ZNF76: variants seen among roughly 807,000 people sequenced by gnomAD.
ZNF76 encodes the protein zinc finger protein 523.
In ZNF76, 66 loss-of-function variants were observed where a neutral mutation model predicts 66.9. The observed-to-expected ratio is 0.99, with a 90% CI of 0.81 to 1.21. ZNF76 has a LOEUF of 1.21. Ranked by LOEUF, ZNF76 falls within the 50% of genes most tolerant of loss-of-function variation. ZNF76 has a pLI of 0.00. For missense variants in ZNF76, 729 were observed against 760.3 expected (o/e 0.96, Z 0.48); for synonymous variants, 275 against 296.1 (o/e 0.93, Z 0.73).
chr6:35,288,303 T>C (rs1007774582), intron 5 of ZNF76: 3 of 370,464 alleles, frequency 8.1e-6, no homozygotes, highest in Admixed American at 6.5e-5. Flanking sequence ...TTAACCTCAG[T>C]GGGCTATGAC....
At chr6:35,294,292 G>C (rs1790864848) in intron 12 of ZNF76, 164 bp from the exon 13 acceptor site, 3 of 610,574 alleles carry the variant, frequency 4.9e-6, no homozygotes, top group Non-Finnish European at 8.7e-6. Context: ...AGGAAACCCA[G>C]CCTTACTTAG....
intron 2 of ZNF76, among the ~76,000 whole-genome samples, chr6:35,282,682 AC>A (rs1373334482): frequency 6.6e-6 from 1 of 152,216 alleles, no homozygotes; most frequent in Non-Finnish European, 1.5e-5. Flanking sequence ...TGTCATTGCA[AC>A]ATTGCCCTCC....
intron 1 of ZNF76, among the ~76,000 whole-genome samples, chr6:35,261,848 G>A (rs1785300667): frequency 6.6e-6 from 1 of 152,018 alleles, no homozygotes; most frequent in Non-Finnish European, 1.5e-5. Context: ...CGTTTGCCAT[G>A]TAACTTGGTG....
intron 1 of ZNF76, among the ~76,000 whole-genome samples, chr6:35,264,293 T>C (rs1256205030): frequency 6.6e-6 from 1 of 152,208 alleles, no homozygotes; most frequent in Non-Finnish European, 1.5e-5. Context: ...TAGTCATTGC[T>C]CGGGTGGGGG....
Position 35,292,880 on chromosome 6 carries a change from G to C in ZNF76, c.1166-1G>C, listed in dbSNP as rs144616098. On this transcript the variant is annotated splice_acceptor_variant, in intron 10 of 13. Coordinates refer to ENST00000373953, the MANE Select transcript of ZNF76 (RefSeq NM_003427.5). LOFTEE classifies it high-confidence loss of function. The surrounding 1 kb of genome is among the most constrained non-coding windows in gnomAD (Gnocchi z 4.7). ...TGTCAGCCTTGGCTCTCCTCTCCCAGCCGCCTCTGCAGCCGAGGAGAGTCC... is the reference window on the plus strand; with the variant it reads ...TGTCAGCCTTGGCTCTCCTCTCCCACCCGCCTCTGCAGCCGAGGAGAGTCC... 1.9e-6 allele frequency: 3 copies of C among 1,614,096 alleles called. No individual in the cohort carries two copies. The Admixed American group carries it at 5.0e-5, about 27-fold the overall frequency.
intron 1 of ZNF76, among the ~76,000 whole-genome samples, chr6:35,275,500 G>C (rs116667711): frequency 6.6e-6 from 1 of 152,274 alleles, no homozygotes; most frequent in African/African-American, 2.4e-5. Context: ...TTCAGTGCCA[G>C]CATGGGAGGA....
intron 2 of ZNF76, among the ~76,000 whole-genome samples, chr6:35,283,541 T>C (rs927069561): frequency 2.6e-5 from 4 of 152,202 alleles, no homozygotes; most frequent in African/African-American, 4.8e-5. Context: ...AACTGGGGCG[T>C]ATGGTCACCT....
chr6:35,294,590 AAAGGGGATCCCACGGCCAGAG>A, intron 13 of ZNF76, 21 bp downstream of exon 13: 4 of 1,534,202 alleles, frequency 2.6e-6, no homozygotes, highest in Non-Finnish European at 3.6e-6. Context: ...ATCTGGGAGG[AAAGGGGATCCCACGGCCAGAG>A]AAGTCAACAA....
At chr6:35,284,131 GC>G (rs1789180736) in intron 2 of ZNF76, among the ~76,000 whole-genome samples, 1 of 151,452 alleles carries the variant, frequency 6.6e-6, no homozygotes, top group Non-Finnish European at 1.5e-5. Context: ...TCACCCTGTA[GC>G]CCAGGCTGGA....
chr6:35,291,859 G>A (rs1275709611), intron 9 of ZNF76, 122 bp downstream of exon 9: 2 of 1,200,586 alleles, frequency 1.7e-6, no homozygotes, highest in Non-Finnish European at 1.2e-6. Context: ...GCCATTCCAG[G>A]CTGGTCTGGG....
rs950960288 is a variant in ZNF76 at position 35,294,439 on chromosome 6, C to G, written c.1495-17C>G. On this transcript the variant is annotated splice_polypyrimidine_tract_variant and intron_variant, in intron 12 of 13. Transcript: ENST00000373953. ...GTATACTGCAGGTGGAATGGAAGACCTCCTTTTGTCTTTCAGGTCACAATC... is the reference window on the plus strand; with the variant it reads ...GTATACTGCAGGTGGAATGGAAGACGTCCTTTTGTCTTTCAGGTCACAATC... 1 of 1,565,574 alleles carries G rather than the reference C, an allele frequency of 6.4e-7. No homozygotes were observed. Among genetic ancestry groups the G allele is most frequent in the Non-Finnish European group, 8.8e-7 (1 of 1,137,102 alleles).
At chr6:35,284,284 C>T (rs991800988) in intron 2 of ZNF76, among the ~76,000 whole-genome samples, 4 of 151,062 alleles carry the variant, frequency 2.6e-5, no homozygotes, top group Non-Finnish European at 5.9e-5. Context: ...AGTAGAGACA[C>T]GGTTTCATGA....
Position 35,287,187 on chromosome 6 carries a change from T to A in ZNF76, c.233-459T>A, listed in dbSNP as rs903810797. Reference sequence around the variant, plus strand: ...GAAACTGGAGAGAGAAAGACAGGGCTGGTGCACTCTGGGTTTGAGTGTCAG... The same window carrying A: ...GAAACTGGAGAGAGAAAGACAGGGCAGGTGCACTCTGGGTTTGAGTGTCAG... On this transcript the variant is annotated intron_variant, in intron 4 of 13. Coordinates refer to ENST00000373953, the MANE Select transcript of ZNF76 (RefSeq NM_003427.5). This position sits in a 1 kb window ranked among gnomAD's most constrained non-coding sequence, Gnocchi z 4.0. Among the ~76,000 whole-genome samples, 2 of 152,160 alleles carry A rather than the reference T, an allele frequency of 1.3e-5. No homozygotes were observed. The highest frequency in any genetic ancestry group is 1.3e-4 in the Admixed American group (2 of 15,274).
rs1385574280 is a variant in ZNF76 at position 35,292,332 on chromosome 6, G to A, written c.932-222G>A. The A allele has an allele frequency of 2.1e-5, 11 of 527,176 alleles. No homozygotes were observed. The highest frequency in any genetic ancestry group is 3.3e-5 in the East Asian group (1 of 30,034). 32.7% of individuals were successfully genotyped at this position (527,176 alleles called of 1,614,324 possible). A position where few individuals can be genotyped will look rare whatever the true frequency, so the allele number is the denominator to read the frequency against. ...TAGCCCCAGCCTTGCCCTGTCCCCC[G>A]TTTCCTTTCCGCCTTGTCTCTGGAT... On this transcript the variant is annotated intron_variant, in intron 9 of 13. Coordinates refer to ENST00000373953, the MANE Select transcript of ZNF76 (RefSeq NM_003427.5). The surrounding 1 kb of genome is among the most constrained non-coding windows in gnomAD (Gnocchi z 4.7).
At chr6:35,277,891 A>G (rs1178442330) in intron 1 of ZNF76, among the ~76,000 whole-genome samples, 2 of 151,936 alleles carry the variant, frequency 1.3e-5, no homozygotes, top group African/African-American at 2.4e-5. Flanking sequence ...ACGGAGTCTC[A>G]CTCTGTCGCC....
chr6:35,293,696 C>A, intron 11 of ZNF76, 55 bp from the exon 12 acceptor site: 1 of 1,589,620 alleles, frequency 6.3e-7, no homozygotes, highest in Non-Finnish European at 8.6e-7. Flanking sequence ...TCCTTAGGGA[C>A]TTTCAGACAA....
chr6:35,294,405 G>A, intron 12 of ZNF76, 51 bp from the exon 13 acceptor site: 1 of 1,222,908 alleles, frequency 8.2e-7, no homozygotes, highest in Non-Finnish European at 1.2e-6. Context: ...TGGATTGTGG[G>A]GAGGGAGAGT....
chr6:35,274,342 G>T (rs1787572036), intron 1 of ZNF76, among the ~76,000 whole-genome samples: 1 of 152,220 alleles, frequency 6.6e-6, no homozygotes, highest in African/African-American at 2.4e-5. Context: ...TGTTCCAACT[G>T]TCCAGAGTTC....
Position 35,295,377 on chromosome 6 carries a change from A to G in ZNF76, c.*129A>G. On this transcript the variant is annotated 3_prime_UTR_variant, in exon 14 of 14. Coordinates refer to ENST00000373953, the MANE Select transcript of ZNF76 (RefSeq NM_003427.5). ...ACATAGGTCTCTGGGGTGAGAAGAC[A>G]GCAAGAAAACTGCCTAACTGAAGGG... 1 of 815,616 alleles carries G rather than the reference A, an allele frequency of 1.2e-6. No individual in the cohort carries two copies. The highest frequency in any genetic ancestry group is 2.0e-6 in the Non-Finnish European group (1 of 490,418). The allele number at this position is 815,616 out of a possible 1,614,324, so 50.5% of individuals were successfully genotyped here. A position where few individuals can be genotyped will look rare whatever the true frequency, so the allele number is the denominator to read the frequency against.
Sources: gnomAD v4.1 joint callset for allele counts (sites outside exome capture counted in the v4.1 genomes callset) on GRCh38, gnomAD v4.1.1 for gene constraint, Gnocchi (gnomAD v3.1) non-coding constraint, MANE v1.5 for transcripts, NCBI Gene and HGNC (gene_info 2026-07-23, HGNC 2026-07-21) for gene names.